Variants in MACROH2A1 observed in about 807,000 individuals in gnomAD.
MACROH2A1 encodes core histone macro-H2A.1.
In MACROH2A1, 2 loss-of-function variants were observed where a neutral mutation model predicts 31.6. The ratio of observed to expected loss-of-function variants is 0.06; its 90% confidence interval spans 0.03 to 0.20. The LOEUF (loss-of-function observed/expected upper bound fraction) is 0.20. Among genes scored for constraint, MACROH2A1 ranks in the 10% least tolerant of loss-of-function variants. The probability of loss-of-function intolerance (pLI) is 1.00; values close to 1 mark genes in which losing one functional copy is unlikely to be tolerated. For missense variants in MACROH2A1, 230 were observed against 474.0 expected, an observed-to-expected ratio of 0.49 and a Z score of 4.78; for synonymous variants, 169 against 189.6, an observed-to-expected ratio of 0.89 and a Z score of 0.89.
At chr5:135,364,996 G>C (rs1763321078) in intron 4 of MACROH2A1, among the ~76,000 whole-genome samples, 1 of 152,114 alleles carries the variant, frequency 6.6e-6, no homozygotes, top group Non-Finnish European at 1.5e-5. Flanking sequence ...GAGGTTTGTT[G>C]ATGGTTTGTG....
intron 8 of MACROH2A1, among the ~76,000 whole-genome samples, chr5:135,336,615 C>T (rs1430040642): frequency 6.6e-6 from 1 of 150,490 alleles, no homozygotes; most frequent in Admixed American, 6.6e-5. Context: ...GCGCAGCTTC[C>T]TCCCGGGAGA....
At chr5:135,384,946 T>A (rs1766192514) in intron 2 of MACROH2A1, among the ~76,000 whole-genome samples, 1 of 152,144 alleles carries the variant, frequency 6.6e-6, no homozygotes, top group Non-Finnish European at 1.5e-5. Flanking sequence ...CCCCAAGTGG[T>A]CCCCAGAGCT....
rs942296204 is a variant in MACROH2A1 at position 135,378,198 on chromosome 5, C to T, written c.173-8056G>A. 2.6e-5 allele frequency among the ~76,000 whole-genome samples: 4 copies of T among 152,248 alleles called. 1 individual carries two copies. Among genetic ancestry groups the T allele is most frequent in the South Asian group, 4.1e-4 (2 of 4,838 alleles). ...ATACCTGACTGGGCACTGCCCTCTC[C>T]GACGCCTGCTGTGGCTCCTCAGGGC... On this transcript the variant is annotated intron_variant, in intron 2 of 8. Coordinates refer to ENST00000511689, the MANE Select transcript of MACROH2A1 (RefSeq NM_138610.3).
chr5:135,365,406 T>C (rs1763376402), intron 4 of MACROH2A1, among the ~76,000 whole-genome samples: 2 of 152,146 alleles, frequency 1.3e-5, no homozygotes, highest in South Asian at 4.1e-4. Flanking sequence ...TCTGCTCCAG[T>C]ATCATGAGAG....
Position 135,369,702 on chromosome 5 carries a change from G to T in MACROH2A1, c.280-99C>A. On this transcript the variant is annotated intron_variant, in intron 3 of 8. Transcript: ENST00000511689. The surrounding 1 kb of genome is among the most constrained non-coding windows in gnomAD (Gnocchi z 4.3). ...CAGGACAGTCTTGCTTTGGGTTGGT[G>T]CAGCTCCTTCCTCCATGGCATCCTC... The T allele has an allele frequency of 1.1e-6, 1 of 915,568 alleles. No individual in the cohort carries two copies. The highest frequency in any genetic ancestry group is 1.6e-5 in the African/African-American group (1 of 60,996). 56.7% of individuals were successfully genotyped at this position (915,568 alleles called of 1,614,324 possible). A position where few individuals can be genotyped will look rare whatever the true frequency, so the allele number is the denominator to read the frequency against.
At chr5:135,349,426 G>A (rs977833696) in intron 6 of MACROH2A1, among the ~76,000 whole-genome samples, 2 of 152,070 alleles carry the variant, frequency 1.3e-5, no homozygotes, top group Admixed American at 6.5e-5. Context: ...CTTACAGCCC[G>A]ATTTCATTTT....
intron 5 of MACROH2A1, chr5:135,353,286 G>A: frequency 2.0e-6 from 1 of 492,168 alleles, no homozygotes; most frequent in Non-Finnish European, 3.7e-6. Context: ...GGGACAAAAG[G>A]AAGCACAAGC....
At chr5:135,347,425 G>C (rs1375527741) in intron 6 of MACROH2A1, 1 of 152,284 alleles carries the variant, frequency 6.6e-6, no homozygotes, top group Non-Finnish European at 1.5e-5. Context: ...CTGTGTCCGA[G>C]AGAGGGTGGC....
chr5:135,362,768 T>C lies in MACROH2A1; in HGVS notation c.478-2161A>G, dbSNP rs182520808. On this transcript the variant is annotated intron_variant, in intron 4 of 8. Transcript: ENST00000511689. ...AACTATCCAATCTTGTAGAATCTAC[T>C]ACTTAATGCTTTTATAAAAGTCAAA... is the stretch of plus-strand genomic sequence containing the variant. The C allele has an allele frequency of 2.1e-3, 323 of 152,392 alleles. 2 individuals carry two copies. The highest frequency in any genetic ancestry group is 7.3e-3 in the African/African-American group (303 of 41,594). The allele number at this position is 152,392 out of a possible 1,614,324, so 9.4% of individuals were successfully genotyped here. A position where few individuals can be genotyped will look rare whatever the true frequency, so the allele number is the denominator to read the frequency against.
chr5:135,363,813 CTCCACA>C (rs1763149859), intron 4 of MACROH2A1, among the ~76,000 whole-genome samples: 1 of 152,222 alleles, frequency 6.6e-6, no homozygotes, highest in South Asian at 2.1e-4. Flanking sequence ...AGCATTATTT[CTCCACA>C]TCCTCTTCAG....
intron 5 of MACROH2A1, chr5:135,353,939 G>C (rs1761885420): frequency 6.6e-6 from 1 of 152,246 alleles, no homozygotes; most frequent in South Asian, 2.1e-4. Flanking sequence ...TAGGACTGCT[G>C]TCCCAGGTCC....
intron 8 of MACROH2A1, chr5:135,338,132 C>T: frequency 2.7e-6 from 1 of 371,238 alleles, no homozygotes; most frequent in Non-Finnish European, 3.9e-6. Flanking sequence ...ACACACAGCC[C>T]TGCAGCCTCC....
intron 2 of MACROH2A1, among the ~76,000 whole-genome samples, chr5:135,375,043 T>A (rs965060148): frequency 6.6e-6 from 1 of 152,210 alleles, no homozygotes; most frequent in African/African-American, 2.4e-5. Flanking sequence ...ACTGTAAGTG[T>A]GGTAAAGTTC....
At chr5:135,357,234 C>T (rs1762282797) in intron 5 of MACROH2A1, 1 of 152,216 alleles carries the variant, frequency 6.6e-6, no homozygotes, top group Admixed American at 6.5e-5. Context: ...ATAGATACTG[C>T]TGGATGTCCA....
rs752351079 is a variant in MACROH2A1, at chr5:135,370,131, C to A, written c.184G>T (p.Glu62Ter). The A allele has an allele frequency of 6.2e-7, 1 of 1,610,588 alleles. No individual in the cohort carries two copies. The highest frequency in any genetic ancestry group is 8.5e-7 in the Non-Finnish European group (1 of 1,177,616). Residue 62 changes from glutamate (E) to a stop codon, truncating the protein, a stop_gained, in exon 3 of 9, where the codon GAG becomes TAG. Transcript: ENST00000511689. LOFTEE classifies it high-confidence loss of function. ...VLEYLTAEIL[E>*]LAGNAARDNK... ...TCTCTCGCTGCATTGCCAGCCAGCT[C>A]CAGAATCTCCGCTGTGGGGAGCAGA...
At chr5:135,349,036 T>A (rs937714230) in intron 6 of MACROH2A1, among the ~76,000 whole-genome samples, 2 of 152,238 alleles carry the variant, frequency 1.3e-5, no homozygotes, top group Non-Finnish European at 2.9e-5. Context: ...TGCCTGTTAC[T>A]TCCTCAAGGC....
chr5:135,352,121 A>G (rs990097731), intron 6 of MACROH2A1, among the ~76,000 whole-genome samples: 1 of 152,230 alleles, frequency 6.6e-6, no homozygotes, highest in African/African-American at 2.4e-5. Context: ...CTCAAGGGAT[A>G]CAAAATAGAT....
At chr5:135,360,372 C>A in intron 5 of MACROH2A1, 125 bp downstream of exon 5, 1 of 673,302 alleles carries the variant, frequency 1.5e-6, no homozygotes, top group East Asian at 2.7e-5. Context: ...AAGCTCACAG[C>A]CCACTCTGTC....
chr5:135,359,211 G>A, intron 5 of MACROH2A1: 1 of 985,416 alleles, frequency 1.0e-6, no homozygotes, highest in African/African-American at 1.7e-5. Flanking sequence ...GGGCAGAGTG[G>A]GGAAAAGAGG....
Sources: gnomAD v4.1 joint callset for allele counts (sites outside exome capture counted in the v4.1 genomes callset) on GRCh38, gnomAD v4.1.1 for gene constraint, Gnocchi (gnomAD v3.1) non-coding constraint, MANE v1.5 for transcripts, NCBI Gene and HGNC (gene_info 2026-07-23, HGNC 2026-07-21) for gene names.